NRXN3: variants seen among roughly 807,000 people sequenced by gnomAD.
The protein encoded by NRXN3 is neurexin III.
In NRXN3, 32 loss-of-function variants were observed where a neutral mutation model predicts 137.6. That is an observed-to-expected ratio of 0.23 (90% CI 0.18 to 0.31). NRXN3 has a LOEUF of 0.31. Ranked by LOEUF, NRXN3 falls within the 10% of genes least tolerant of loss-of-function variation. The probability of loss-of-function intolerance (pLI) is 1.00; values close to 1 mark genes in which losing one functional copy is unlikely to be tolerated. For missense variants in NRXN3, 1,574 were observed against 2,062.5 expected (o/e 0.76, Z 4.59); for synonymous variants, 798 against 784.5 (o/e 1.02, Z -0.29).
chr14:78,395,721 T>C (rs762398113), intron 4 of NRXN3, among the ~76,000 whole-genome samples: 9 of 152,070 alleles, frequency 5.9e-5, no homozygotes, highest in Non-Finnish European at 1.2e-4. Context: ...GGATTGACTC[T>C]TTTATCATTA....
intron 4 of NRXN3, among the ~76,000 whole-genome samples, chr14:78,473,461 A>G: frequency 6.6e-6 from 1 of 152,136 alleles, no homozygotes; most frequent in African/African-American, 2.4e-5. Context: ...AATGGACTAA[A>G]TTAAAAAAGA....
chr14:78,854,533 A>C (rs1422303986), intron 10 of NRXN3, among the ~76,000 whole-genome samples: 1 of 152,192 alleles, frequency 6.6e-6, no homozygotes, highest in Non-Finnish European at 1.5e-5. Context: ...TGAATAAATT[A>C]AATTAAAATT....
intron 4 of NRXN3, among the ~76,000 whole-genome samples, chr14:78,402,822 G>T (rs2092200866): frequency 1.3e-5 from 2 of 152,126 alleles, no homozygotes; most frequent in African/African-American, 2.4e-5. Flanking sequence ...ATAAGATAAT[G>T]CATGAAAAGT....
At chr14:78,402,280 G>T (rs923770882) in intron 4 of NRXN3, among the ~76,000 whole-genome samples, 2 of 152,228 alleles carry the variant, frequency 1.3e-5, no homozygotes, top group African/African-American at 4.8e-5. Context: ...TTAGTGAAAA[G>T]TCAGAATAAG....
At position 78,243,622 on chromosome 14, in the gene NRXN3, C is replaced by G. The variant is rs1426761983; in HGVS notation, c.529C>G (p.Leu177Val). The change falls in exon 2 of 21, where the codon CTG (leucine) becomes GTG (valine). Residue 177 changes from leucine (L) to valine (V), a missense_variant. Leu to Val is a conservative substitution (Grantham distance 32, BLOSUM62 1). This residue lies in a region of NRXN3 where 400 missense variants were observed against 527.3 expected (regional missense o/e 0.76). Coordinates refer to ENST00000335750, the MANE Select transcript of NRXN3 (RefSeq NM_001330195.2). This position sits in a 1 kb window ranked among gnomAD's most constrained non-coding sequence, Gnocchi z 4.2. Reference sequence around the variant, plus strand: ...CATGCCCGGCTTCAAGGGGTTAATTCTGGATCTCAAGTATGGAAACTCGGA... The same window carrying G: ...CATGCCCGGCTTCAAGGGGTTAATTGTGGATCTCAAGTATGGAAACTCGGA... ...QAMPGFKGLI[L>V]DLKYGNSEPR... The G allele has an allele frequency of 1.9e-6, 3 of 1,598,416 alleles. No individual in the cohort carries two copies. The South Asian group carries it at 3.3e-5, about 18-fold the overall frequency.
intron 15 of NRXN3, among the ~76,000 whole-genome samples, chr14:79,043,005 C>G (rs539877615): frequency 1.3e-5 from 2 of 151,520 alleles, no homozygotes; most frequent in African/African-American, 2.4e-5. Flanking sequence ...TCAGAACATA[C>G]AGCACAAACA....
At chr14:78,357,191 C>G (rs879702677) in intron 4 of NRXN3, among the ~76,000 whole-genome samples, 2 of 152,182 alleles carry the variant, frequency 1.3e-5, no homozygotes, top group Non-Finnish European at 2.9e-5. Context: ...CTAAGGAAGC[C>G]TCACAATCAT....
chr14:78,939,589 C>T (rs1388431159), intron 10 of NRXN3, among the ~76,000 whole-genome samples: 1 of 152,188 alleles, frequency 6.6e-6, no homozygotes, highest in Non-Finnish European at 1.5e-5. Flanking sequence ...TATATCTGGC[C>T]ATAGCTATCA....
chr14:78,824,808 AT>A (rs1366956659), intron 10 of NRXN3, among the ~76,000 whole-genome samples: 3 of 152,232 alleles, frequency 2.0e-5, no homozygotes, highest in African/African-American at 4.8e-5. Flanking sequence ...ACTAAAAAAA[AT>A]ACTAGGATTG....
chr14:78,993,672 C>A (rs2099523484), intron 15 of NRXN3, among the ~76,000 whole-genome samples: 1 of 152,008 alleles, frequency 6.6e-6, no homozygotes, highest in South Asian at 2.1e-4. Context: ...CAAAGACCTT[C>A]TAGTCTAATG....
At chr14:79,524,688 T>G (rs950342056) in intron 16 of NRXN3, among the ~76,000 whole-genome samples, 1 of 152,184 alleles carries the variant, frequency 6.6e-6, no homozygotes, top group African/African-American at 2.4e-5. Flanking sequence ...CTTCCAAAGA[T>G]TCTCTGAAAA....
rs534779143 is a variant in NRXN3 at position 79,630,245 on chromosome 14, C to G, written c.3445-33533C>G. On this transcript the variant is annotated intron_variant, in intron 16 of 20. Coordinates refer to ENST00000335750, the MANE Select transcript of NRXN3 (RefSeq NM_001330195.2). Reference sequence around the variant, plus strand: ...GCTAAAAGGGCAGGTGCTACAAACCCAAGAAGAAAAACATTCTTGCATACT... The same window carrying G: ...GCTAAAAGGGCAGGTGCTACAAACCGAAGAAGAAAAACATTCTTGCATACT... Among the ~76,000 whole-genome samples the G allele has an allele frequency of 3.9e-3, 591 of 152,266 alleles. 2 individuals carry two copies. Among genetic ancestry groups the G allele is most frequent in the Non-Finnish European group, 6.6e-3 (447 of 68,020 alleles).
intron 14 of NRXN3, among the ~76,000 whole-genome samples, chr14:78,971,975 A>T (rs2099442861): frequency 6.6e-6 from 1 of 152,194 alleles, no homozygotes; most frequent in Non-Finnish European, 1.5e-5. Flanking sequence ...AAAAGAAAAA[A>T]ATCTTGAAAC....
chr14:78,709,836 A>T (rs1237811112), intron 7 of NRXN3, 181 bp downstream of exon 7: 5 of 605,330 alleles, frequency 8.3e-6, no homozygotes, highest in South Asian at 2.0e-5. Flanking sequence ...GATGGCTCAC[A>T]TTCTCCGCTT....
chr14:78,364,114 T>A (rs573873026), intron 4 of NRXN3, among the ~76,000 whole-genome samples: 1 of 152,376 alleles, frequency 6.6e-6, no homozygotes, highest in East Asian at 1.9e-4. Flanking sequence ...AGCATGTGTA[T>A]GTACTTGAGT....
chr14:79,815,971 G>T (rs768911641), intron 20 of NRXN3, among the ~76,000 whole-genome samples: 1 of 152,112 alleles, frequency 6.6e-6, no homozygotes, highest in Non-Finnish European at 1.5e-5. Context: ...AAATGGCCAT[G>T]TTTTAACAAC....
intron 16 of NRXN3, among the ~76,000 whole-genome samples, chr14:79,580,022 T>C (rs1489087420): frequency 6.6e-6 from 1 of 152,210 alleles, no homozygotes; most frequent in Non-Finnish European, 1.5e-5. Flanking sequence ...TTAGCTCTCA[T>C]ATGTGAGTGA....
At chr14:79,850,545 A>T (rs150647232) in intron 20 of NRXN3, among the ~76,000 whole-genome samples, 1 of 152,310 alleles carries the variant, frequency 6.6e-6, no homozygotes, top group African/African-American at 2.4e-5. Flanking sequence ...GCATTTTAAA[A>T]ATTTTGATTT....
intron 19 of NRXN3, among the ~76,000 whole-genome samples, chr14:79,771,508 G>A (rs1439661824): frequency 2.3e-5 from 3 of 131,332 alleles, no homozygotes. Flanking sequence ...CATATAAACA[G>A]AACCAAAGAC....
Sources: gnomAD v4.1 joint callset for allele counts (sites outside exome capture counted in the v4.1 genomes callset) on GRCh38, gnomAD v4.1.1 for gene constraint, gnomAD v4.1.1 regional missense constraint, Gnocchi (gnomAD v3.1) non-coding constraint, MANE v1.5 for transcripts, NCBI Gene and HGNC (gene_info 2026-07-23, HGNC 2026-07-21) for gene names.